The following ANKIB1 variants were observed in gnomAD, a reference collection of about 807,000 sequenced individuals.
ANKIB1 encodes ankyrin repeat and IBR domain-containing protein 1.
A neutral mutation model predicts 122.1 loss-of-function variants in ANKIB1; 43 were observed. The ratio of observed to expected loss-of-function variants is 0.35; its 90% CI spans 0.28 to 0.45. ANKIB1 has a LOEUF of 0.45. ANKIB1 is among the 20% of genes least tolerant of loss of function. ANKIB1 has a pLI of 1.00. For missense variants in ANKIB1, 992 were observed against 1,329.5 expected, an observed-to-expected ratio of 0.75 and a Z score of 3.95; for synonymous variants, 390 against 442.0, an observed-to-expected ratio of 0.88 and a Z score of 1.48.
At position 92,342,921 on chromosome 7, in the gene ANKIB1, A is replaced by T; in HGVS notation, c.788-103A>T. 3.9e-6 allele frequency: 4 copies of T among 1,034,122 alleles called. No homozygotes were observed. The Admixed American group carries it at 6.1e-5, about 16-fold the overall frequency. 64.1% of individuals were successfully genotyped at this position (1,034,122 alleles called of 1,614,324 possible). A position where few individuals can be genotyped will look rare whatever the true frequency, so the allele number is the denominator to read the frequency against. ...ACTACTTTTATATACTTTTTTCTTT[A>T]GATGACCAAAATTTGTAATTCTCAT... On this transcript the variant is annotated intron_variant, in intron 5 of 19. Transcript: ENST00000265742.
At chr7:92,384,169 A>G (rs994992886) in intron 11 of ANKIB1, among the ~76,000 whole-genome samples, 1 of 152,192 alleles carries the variant, frequency 6.6e-6, no homozygotes, top group African/African-American at 2.4e-5. Flanking sequence ...CTAGGAATCC[A>G]ATTTACAAGG....
intron 4 of ANKIB1, among the ~76,000 whole-genome samples, chr7:92,321,361 C>T (rs1483514009): frequency 6.6e-6 from 1 of 152,096 alleles, no homozygotes; most frequent in East Asian, 1.9e-4. Context: ...TTCTTCCTGT[C>T]TTATCTGAAA....
chr7:92,310,111 A>G (rs1802660728), intron 3 of ANKIB1, among the ~76,000 whole-genome samples: 1 of 151,452 alleles, frequency 6.6e-6, no homozygotes, highest in Admixed American at 6.6e-5. Context: ...TTTTTTGCTC[A>G]GTGAAAGAAA....
At chr7:92,347,614 T>C (rs1031527653) in intron 7 of ANKIB1, among the ~76,000 whole-genome samples, 9 of 152,176 alleles carry the variant, frequency 5.9e-5, no homozygotes, top group Non-Finnish European at 7.3e-5. Context: ...CCCTGTCGAT[T>C]GATTGATCGA....
chr7:92,399,869 A>G lies in ANKIB1; in HGVS notation c.*920A>G, dbSNP rs762942009. ...GCAATCATAGTTATTTGTTTTCACA[A>G]TTTTACAGTGCATTCTAATTACTGA... On this transcript the variant is annotated 3_prime_UTR_variant, in exon 20 of 20. Coordinates refer to ENST00000265742, the MANE Select transcript of ANKIB1 (RefSeq NM_019004.2). The G allele has an allele frequency of 1.1e-4, 16 of 152,174 alleles. No individual in the cohort carries two copies. Among genetic ancestry groups the G allele is most frequent in the African/African-American group, 1.4e-4 (6 of 41,434 alleles). 9.4% of individuals were successfully genotyped at this position (152,174 alleles called of 1,614,324 possible). A position where few individuals can be genotyped will look rare whatever the true frequency, so the allele number is the denominator to read the frequency against.
rs904341657 is a variant in ANKIB1 at position 92,400,356 on chromosome 7, A to G, written c.*1407A>G. 1 of 152,214 alleles carries G rather than the reference A, an allele frequency of 6.6e-6. No individual in the cohort carries two copies. Among genetic ancestry groups the G allele is most frequent in the African/African-American group, 2.4e-5 (1 of 41,450 alleles). 9.4% of individuals were successfully genotyped at this position (152,214 alleles called of 1,614,324 possible). The stretch of plus-strand genomic sequence containing the variant: ...TACAATGGTACAGTGTGTAATTAAA[A>G]CTAGAGTAAACTGTTGGAATGGCTG... On this transcript the variant is annotated 3_prime_UTR_variant, in exon 20 of 20. Transcript: ENST00000265742.
chr7:92,259,171 G>T (rs966162549), intron 1 of ANKIB1, among the ~76,000 whole-genome samples: 13 of 152,236 alleles, frequency 8.5e-5, no homozygotes, highest in African/African-American at 3.1e-4. Context: ...GCCCAGGCTG[G>T]TCTCGGACTC....
chr7:92,297,946 C>T (rs893443089), intron 2 of ANKIB1, among the ~76,000 whole-genome samples: 3 of 152,070 alleles, frequency 2.0e-5, no homozygotes, highest in Non-Finnish European at 2.9e-5. Flanking sequence ...AGCTTCATTC[C>T]GGTTGTTTCT....
rs969221179 is a variant in ANKIB1 at position 92,253,097 on chromosome 7, G to A, written c.-91+6578G>A. Among the ~76,000 whole-genome samples the A allele has an allele frequency of 4.6e-5, 7 of 152,206 alleles. 1 individual carries two copies. In the South Asian group the frequency reaches 1.5e-3, roughly 32 times the overall value. ...CTCATGTACATACATAATTATTTCTGTACCTGTGTGTACATATTACAGAAT... is the reference window on the plus strand; with the variant it reads ...CTCATGTACATACATAATTATTTCTATACCTGTGTGTACATATTACAGAAT... On this transcript the variant is annotated intron_variant, in intron 1 of 19. Transcript: ENST00000265742.
At chr7:92,387,655 T>C in intron 12 of ANKIB1, 143 bp from the exon 13 acceptor site, 1 of 630,880 alleles carries the variant, frequency 1.6e-6, no homozygotes, top group Non-Finnish European at 2.8e-6. Flanking sequence ...AAAACAAGTA[T>C]TGTTTTTCTG....
At chr7:92,261,385 T>A (rs2131882207) in intron 1 of ANKIB1, among the ~76,000 whole-genome samples, 1 of 128,730 alleles carries the variant, frequency 7.8e-6, no homozygotes, top group Non-Finnish European at 1.6e-5. Context: ...ATTACTATGT[T>A]TTTTGTTTGT....
chr7:92,296,716 G>T (rs2131921968), intron 2 of ANKIB1, among the ~76,000 whole-genome samples: 1 of 151,854 alleles, frequency 6.6e-6, no homozygotes, highest in East Asian at 1.9e-4. Flanking sequence ...AGGTATCTTT[G>T]TACTTCTAGC....
intron 2 of ANKIB1, among the ~76,000 whole-genome samples, chr7:92,303,692 G>A (rs1004476261): frequency 1.7e-4 from 26 of 152,142 alleles, no homozygotes; most frequent in Non-Finnish European, 5.9e-5. Flanking sequence ...GATTACAGAA[G>A]CCAAGGTAAT....
intron 3 of ANKIB1, among the ~76,000 whole-genome samples, chr7:92,317,060 ATAGTC>A (rs1802809299): frequency 6.6e-6 from 1 of 152,202 alleles, no homozygotes; most frequent in African/African-American, 2.4e-5. Flanking sequence ...TCAGGAGCAG[ATAGTC>A]TATTTTGTGT....
intron 2 of ANKIB1, among the ~76,000 whole-genome samples, chr7:92,300,220 AT>A (rs541545983): frequency 2.4e-4 from 36 of 152,318 alleles, no homozygotes; most frequent in South Asian, 1.7e-3. Context: ...TGTGGTTATC[AT>A]TCTATTGAAT....
chr7:92,321,903 C>T (rs1336135733), intron 4 of ANKIB1, among the ~76,000 whole-genome samples: 1 of 152,198 alleles, frequency 6.6e-6, no homozygotes, highest in Non-Finnish European at 1.5e-5. Context: ...AAGCGTTTTG[C>T]TGGCCCTTCA....
chr7:92,386,380 C>A, intron 11 of ANKIB1, 129 bp from the exon 12 acceptor site: 2 of 1,017,482 alleles, frequency 2.0e-6, no homozygotes, highest in Non-Finnish European at 2.7e-6. Context: ...TAGGGCATGT[C>A]TTTGAGAAGA....
At chr7:92,346,334 T>A (rs1473900146) in intron 7 of ANKIB1, among the ~76,000 whole-genome samples, 1 of 152,170 alleles carries the variant, frequency 6.6e-6, no homozygotes, top group Non-Finnish European at 1.5e-5. Flanking sequence ...TTTTGCCATG[T>A]TGGTCAATCT....
intron 1 of ANKIB1, among the ~76,000 whole-genome samples, chr7:92,251,667 CT>C (rs1320361700): frequency 6.6e-6 from 1 of 152,174 alleles, no homozygotes; most frequent in African/African-American, 2.4e-5. Context: ...TCATTACAGT[CT>C]TTTTCTGAAC....
Sources: allele counts gnomAD v4.1 joint callset (sites outside exome capture counted in the v4.1 genomes callset), GRCh38; gene constraint gnomAD v4.1.1; transcripts MANE v1.5; gene names NCBI Gene and HGNC (gene_info 2026-07-23, HGNC 2026-07-21).